The following FRMD1 variants were observed in gnomAD, a reference collection of about 807,000 sequenced individuals.
The protein encoded by FRMD1 is FERM domain containing 1.
Under a neutral mutation model 54.9 loss-of-function variants are expected in FRMD1, and 51 were observed. The observed-to-expected ratio is 0.93, with a 90% CI of 0.74 to 1.17. FRMD1 has a LOEUF of 1.17. FRMD1 is among the 50% of genes most tolerant of loss of function. The probability of loss-of-function intolerance (pLI) is 0.00; values close to 1 mark genes in which losing one functional copy is unlikely to be tolerated. For missense variants in FRMD1, 729 were observed against 743.0 expected, an observed-to-expected ratio of 0.98 and a Z score of 0.22; for synonymous variants, 324 against 306.4, an observed-to-expected ratio of 1.06 and a Z score of -0.60.
rs779896988 is a variant in FRMD1 at position 168,066,741 on chromosome 6, C to T, written c.461+14G>A. ...TATTCCAGGAAACACCCCTTACAGT[C>T]CGCATGCCGTTACCTTATGACCCTT... On this transcript the variant is annotated intron_variant, in intron 4 of 10. Coordinates refer to ENST00000283309, the MANE Select transcript of FRMD1 (RefSeq NM_024919.6). 1.9e-6 allele frequency: 3 copies of T among 1,609,834 alleles called. No homozygotes were observed. The highest frequency in any genetic ancestry group is 2.5e-6 in the Non-Finnish European group (3 of 1,178,502).
At position 168,078,857 on chromosome 6, in the gene FRMD1, C is replaced by G. The variant is rs199958872; in HGVS notation, c.213+25G>C. 1.4e-4 allele frequency: 218 copies of G among 1,523,978 alleles called. No homozygotes were observed. The East Asian group carries it at 2.6e-3, about 18-fold the overall frequency. The allele number at this position is 1,523,978 out of a possible 1,614,324, so 94.4% of individuals were successfully genotyped here. Reference sequence around the variant, plus strand: ...TCACCCCCACAGCTCTGTTTACCCCCACGGCCACCCAGGGCCCTGCTCACC... The same window carrying G: ...TCACCCCCACAGCTCTGTTTACCCCGACGGCCACCCAGGGCCCTGCTCACC... On this transcript the variant is annotated intron_variant, in intron 1 of 10. Coordinates refer to ENST00000283309, the MANE Select transcript of FRMD1 (RefSeq NM_024919.6).
rs5881761 is a variant in FRMD1 at position 168,053,164 on chromosome 6, G to GCGTGTTCACC, written c.*3923_*3932dup. On this transcript the variant is annotated 3_prime_UTR_variant, in exon 11 of 11. Transcript: ENST00000283309. ...ATTAACCCGCGCCATTTTCCCCACT[G>GCGTGTTCACC]CGTGTTCACCTCTTCACGCGCCTTT... is the stretch of plus-strand genomic sequence containing the variant. 0.88 allele frequency: 133,347 copies of GCGTGTTCACC among 151,762 alleles called. 58,650 individuals are homozygous for GCGTGTTCACC. Among genetic ancestry groups the GCGTGTTCACC allele is most frequent in the Non-Finnish European group, 0.91 (61,728 of 67,870 alleles). 9.4% of individuals were successfully genotyped at this position (151,762 alleles called of 1,614,324 possible). A position where few individuals can be genotyped will look rare whatever the true frequency, so the allele number is the denominator to read the frequency against.
chr6:168,081,465 C>T (rs895013635), upstream of FRMD1: 40 of 1,535,506 alleles, frequency 2.6e-5, no homozygotes, highest in Middle Eastern at 1.7e-4. Context: ...GACCACCGCC[C>T]AGATCTCCTC....
intron 1 of FRMD1, chr6:168,075,600 G>A: frequency 1.3e-6 from 1 of 761,608 alleles, no homozygotes; most frequent in South Asian, 1.5e-5. Flanking sequence ...ATCCCTGTCT[G>A]TCTCTGGTGT....
At chr6:168,082,470 C>T (rs1800851084), upstream of FRMD1, among the ~76,000 whole-genome samples, 1 of 152,226 alleles carries the variant, frequency 6.6e-6, no homozygotes, top group Admixed American at 6.5e-5. Context: ...GCTGGGTCCC[C>T]AGGAGGTCCC....
Position 168,079,023 on chromosome 6 carries a change from C to A in FRMD1, c.72G>T (p.Gly24=). The A allele has an allele frequency of 6.2e-7, 1 of 1,612,202 alleles. No homozygotes were observed. The highest frequency in any genetic ancestry group is 8.5e-7 in the Non-Finnish European group (1 of 1,179,978). ...CAGGACTGGGTTCCATACATCGCGCCCCTGAAGGAGGGAACGTGTCAGGGT... is the reference window on the plus strand; with the variant it reads ...CAGGACTGGGTTCCATACATCGCGCACCTGAAGGAGGGAACGTGTCAGGGT... ...RTNPDTFPPS[G]ARCMEPSPER... The change falls in exon 1 of 11, where the codon GGG becomes GGT. Residue 24 remains glycine, a synonymous_variant. Coordinates refer to ENST00000283309, the MANE Select transcript of FRMD1 (RefSeq NM_024919.6).
chr6:168,078,876 G>A lies in FRMD1; in HGVS notation c.213+6C>T. 1.9e-6 allele frequency: 3 copies of A among 1,574,472 alleles called. No individual in the cohort carries two copies. The South Asian group carries it at 3.4e-5, about 18-fold the overall frequency. On this transcript the variant is annotated splice_donor_region_variant and intron_variant, in intron 1 of 10. Transcript: ENST00000283309. The stretch of plus-strand genomic sequence containing the variant: ...TACCCCCACGGCCACCCAGGGCCCT[G>A]CTCACCCCCACGGCCAGCCGCAGTT...
intron 2 of FRMD1, 36 bp downstream of exon 2, chr6:168,075,209 G>A (rs1164670309): frequency 2.5e-6 from 4 of 1,583,392 alleles, no homozygotes; most frequent in Non-Finnish European, 2.6e-6. Context: ...TGCGGCCCCT[G>A]GGCATTCCTG....
Position 168,060,932 on chromosome 6 carries a change from C to A in FRMD1, c.1171G>T (p.Asp391Tyr), listed in dbSNP as rs772265105. Residue 391 changes from aspartate to tyrosine, a missense_variant, in exon 9 of 11, where the codon GAC (aspartate) becomes TAC (tyrosine). By Grantham distance (160) the Asp-to-Tyr change is radical. Transcript: ENST00000283309. ...GACGTGTAGGAACTGCCGTGGCTGT[C>A]GGCGGAGTGGCGTGAGAGGCAGTGG... Reference protein sequence around the residue: ...CPHCLSRHSADSHGSSYTSGI... With the variant: ...CPHCLSRHSAYSHGSSYTSGI... 1 of 1,613,556 alleles carries A rather than the reference C, an allele frequency of 6.2e-7. No homozygotes were observed. The highest frequency in any genetic ancestry group is 1.1e-5 in the South Asian group (1 of 91,066).
chr6:168,091,312 C>T (rs1044954616), intron 1 of FRMD1, among the ~76,000 whole-genome samples: 14 of 152,238 alleles, frequency 9.2e-5, no homozygotes, highest in Non-Finnish European at 1.5e-4. Flanking sequence ...TCCTCTTCCA[C>T]GGACTCTGCT....
At chr6:168,074,551 G>A (rs1800473539) in intron 2 of FRMD1, among the ~76,000 whole-genome samples, 1 of 151,654 alleles carries the variant, frequency 6.6e-6, no homozygotes, top group African/African-American at 2.4e-5. Context: ...GTGTGTAATT[G>A]TGTGCATGTG....
chr6:168,060,851 G>T lies in FRMD1; in HGVS notation c.1252C>A (p.Pro418Thr). Residue 418 changes from proline (P) to threonine (T), a missense_variant, in exon 9 of 11, where the codon CCC (proline) becomes ACC (threonine). Transcript: ENST00000283309. ...TCATGGAGCCCGTGGACCTCCAAGG[G>T]CACGTCCACAGACATCTCTCTGGAT... is the stretch of plus-strand genomic sequence containing the variant. ...RESREMSVDVPLEVHGLHEKE... is the reference protein window; with the variant it reads ...RESREMSVDVTLEVHGLHEKE... 2 of 1,613,726 alleles carry T rather than the reference G, an allele frequency of 1.2e-6. No homozygotes were observed. Among genetic ancestry groups the T allele is most frequent in the Non-Finnish European group, 1.7e-6 (2 of 1,180,030 alleles).
rs980639034 is a variant in FRMD1, at chr6:168,060,686, C to A, written c.1342+75G>T. Reference sequence around the variant, plus strand: ...GGCCAGGGCTTTGCTGCCTCGGTGTCCAGGGTCAGCCAAGCTGGGGCTGGC... The same window carrying A: ...GGCCAGGGCTTTGCTGCCTCGGTGTACAGGGTCAGCCAAGCTGGGGCTGGC... On this transcript the variant is annotated intron_variant, in intron 9 of 10. Transcript: ENST00000283309. The A allele has an allele frequency of 2.7e-6, 4 of 1,481,294 alleles. No homozygotes were observed. In the Admixed American group the frequency reaches 5.6e-5, roughly 21 times the overall value. The allele number at this position is 1,481,294 out of a possible 1,614,324, so 91.8% of individuals were successfully genotyped here.
At chr6:168,065,730 C>A (rs1321045798) in intron 4 of FRMD1, 1 of 988,476 alleles carries the variant, frequency 1.0e-6, no homozygotes, top group East Asian at 1.1e-4. Context: ...CACAACCACA[C>A]ACCTTTCACT....
intron 2 of FRMD1, 141 bp from the exon 3 acceptor site, chr6:168,067,587 C>A: frequency 1.7e-6 from 1 of 602,912 alleles, no homozygotes; most frequent in Admixed American, 3.3e-5. Context: ...GCATATGGGG[C>A]TTTCCTTGGC....
At chr6:168,067,299 C>T (rs558926192) in intron 3 of FRMD1, 68 bp downstream of exon 3, 13 of 1,011,468 alleles carry the variant, frequency 1.3e-5, no homozygotes, top group Non-Finnish European at 1.7e-5. Flanking sequence ...TCCCACCCCA[C>T]GTGTCCCCGT....
Position 168,061,864 on chromosome 6 carries a change from G to A in FRMD1, c.988C>T (p.Leu330Phe). 3.2e-6 allele frequency: 5 copies of A among 1,582,348 alleles called. No individual in the cohort carries two copies. Among genetic ancestry groups the A allele is most frequent in the Non-Finnish European group, 4.3e-6 (5 of 1,165,640 alleles). ...LLHLLRASHQ[L>F]HLRVRPTLQQ... Reference sequence around the variant, plus strand: ...AGAGTGGGCCGCACGCGGAGGTGGAGCTGGTGGCTGGCGCGCAGCAGGTGC... The same window carrying A: ...AGAGTGGGCCGCACGCGGAGGTGGAACTGGTGGCTGGCGCGCAGCAGGTGC... Residue 330 changes from leucine to phenylalanine, a missense_variant, in exon 8 of 11, where the codon CTC (leucine) becomes TTC (phenylalanine). Physicochemically the swap from Leu to Phe is conservative, Grantham distance 22. Coordinates refer to ENST00000283309, the MANE Select transcript of FRMD1 (RefSeq NM_024919.6).
At chr6:168,080,527 C>T (rs78522145), upstream of FRMD1, among the ~76,000 whole-genome samples, 16,179 of 152,156 alleles carry the variant, frequency 0.11, 859 homozygotes, top group African/African-American at 0.12. Flanking sequence ...CTGAGCAGCT[C>T]GTCCCTGTGC....
chr6:168,071,107 G>C (rs1481725723), intron 2 of FRMD1, among the ~76,000 whole-genome samples: 1 of 152,202 alleles, frequency 6.6e-6, no homozygotes, highest in Admixed American at 6.5e-5. Flanking sequence ...CTGGCCAAGG[G>C]GCTGGACACC....
Sources: gnomAD v4.1 joint callset for allele counts (sites outside exome capture counted in the v4.1 genomes callset) on GRCh38, gnomAD v4.1.1 for gene constraint, MANE v1.5 for transcripts, NCBI Gene and HGNC (gene_info 2026-07-23, HGNC 2026-07-21) for gene names.